TMBIM4: variants seen among roughly 807,000 people sequenced by gnomAD.
TMBIM4 encodes the protein protein lifeguard 4.
In TMBIM4, 28 loss-of-function variants were observed where a neutral mutation model predicts 27.7. The ratio of observed to expected loss-of-function variants is 1.01; its 90% CI spans 0.75 to 1.38. The LOEUF is 1.38. TMBIM4 is among the 40% of genes most tolerant of loss of function. The pLI is 0.00. For synonymous variants in TMBIM4, 115 were observed against 113.1 expected (o/e 1.02, Z -0.11); for missense variants, 265 against 277.5 (o/e 0.95, Z 0.32).
At chr12:66,143,835 A>G (rs1206727179) in intron 5 of TMBIM4, among the ~76,000 whole-genome samples, 1 of 152,166 alleles carries the variant, frequency 6.6e-6, no homozygotes, top group Non-Finnish European at 1.5e-5. Context: ...TTTGGCACTC[A>G]GCTTCCACAA....
chr12:66,147,866 T>TA, intron 4 of TMBIM4, 42 bp downstream of exon 4: 1 of 1,563,290 alleles, frequency 6.4e-7, no homozygotes. Context: ...CTATCTACAT[T>TA]AAAAAGTTAT....
chr12:66,160,444 T>A, intron 1 of TMBIM4: 2 of 548,370 alleles, frequency 3.6e-6, no homozygotes, highest in Non-Finnish European at 6.5e-6. Context: ...TTTGAAGGAA[T>A]AAAAAAAAGG....
chr12:66,168,667 C>T (rs2052177053), intron 1 of TMBIM4: 1 of 152,268 alleles, frequency 6.6e-6, no homozygotes, highest in Admixed American at 6.5e-5. Flanking sequence ...CTGTACCTCA[C>T]TTCTATTTTC....
intron 5 of TMBIM4, among the ~76,000 whole-genome samples, chr12:66,143,605 G>A (rs1270425984): frequency 1.3e-5 from 2 of 152,098 alleles, no homozygotes; most frequent in African/African-American, 4.8e-5. Context: ...AATTCCTTTT[G>A]TGGCAGAATT....
At chr12:66,169,167 GC>G in intron 1 of TMBIM4, 1 of 654,034 alleles carries the variant, frequency 1.5e-6, no homozygotes, top group Non-Finnish European at 2.7e-6. Flanking sequence ...GGCTGTTTCG[GC>G]GATCAAATGA....
At position 66,164,512 on chromosome 12, in the gene TMBIM4, T is replaced by C. The variant is rs548667706; in HGVS notation, c.97+5343A>G. 1.4e-4 allele frequency among the ~76,000 whole-genome samples: 22 copies of C among 152,278 alleles called. No homozygotes were observed. In the Middle Eastern group the frequency reaches 0.014, roughly 94 times the overall value. ...TCTTATACAAGGAACCACAGATAAA[T>C]TGGAAATCTTAGAGGGTTTCCTGGA... On this transcript the variant is annotated intron_variant, in intron 1 of 6. Transcript: ENST00000358230.
In TMBIM4 at chr12:66,152,349, G is replaced by A. The variant is rs201499761; in HGVS notation, c.234C>T (p.Leu78=). ...ACGCAAAAATCAAACCCAGAGATCC[G>A]AGGGCAAACAGCAAAATTAAGGCAG... ...ESPALILLFA[L]GSLGLIFALI... The change falls in exon 3 of 7, where the codon CTC becomes CTT. Residue 78 remains leucine (L), a synonymous_variant. Coordinates refer to ENST00000358230, the MANE Select transcript of TMBIM4 (RefSeq NM_016056.4). 72 of 1,608,636 alleles carry A rather than the reference G, an allele frequency of 4.5e-5. No individual in the cohort carries two copies. Among genetic ancestry groups the A allele is most frequent in the South Asian group, 1.4e-4 (13 of 90,458 alleles).
At chr12:66,153,767 C>T (rs2051889972) in intron 1 of TMBIM4, among the ~76,000 whole-genome samples, 2 of 151,972 alleles carry the variant, frequency 1.3e-5, no homozygotes, top group South Asian at 4.1e-4. Context: ...TAGCAAAAGA[C>T]TAAAAGCAGA....
intron 1 of TMBIM4, among the ~76,000 whole-genome samples, chr12:66,163,310 T>A (rs1205872697): frequency 6.6e-6 from 1 of 152,154 alleles, no homozygotes; most frequent in Non-Finnish European, 1.5e-5. Flanking sequence ...CTCTAATATA[T>A]CACATCGTCA....
chr12:66,167,970 A>G (rs2052159361), intron 1 of TMBIM4, among the ~76,000 whole-genome samples: 1 of 152,204 alleles, frequency 6.6e-6, no homozygotes, highest in Admixed American at 6.5e-5. Context: ...CTGTAATCCC[A>G]GGACTTTGGG....
intron 1 of TMBIM4, among the ~76,000 whole-genome samples, chr12:66,154,447 T>A (rs2051900117): frequency 6.6e-6 from 1 of 152,226 alleles, no homozygotes; most frequent in African/African-American, 2.4e-5. Context: ...AGTCGTTAAA[T>A]TTTATTTGCT....
chr12:66,158,088 T>A (rs1025405717), intron 1 of TMBIM4, among the ~76,000 whole-genome samples: 1 of 151,284 alleles, frequency 6.6e-6, no homozygotes, highest in Non-Finnish European at 1.5e-5. Flanking sequence ...TAGCTGGGCG[T>A]GGTGGCGGGC....
intron 1 of TMBIM4, chr12:66,169,588 T>TGGG (rs1182614910): frequency 2.0e-5 from 9 of 450,390 alleles, no homozygotes; most frequent in Non-Finnish European, 2.7e-5. Flanking sequence ...CGGCGCCCGC[T>TGGG]GGGGAGCCGG....
chr12:66,161,888 G>GACCCTTAA (rs1227022259), intron 1 of TMBIM4, among the ~76,000 whole-genome samples: 1 of 152,118 alleles, frequency 6.6e-6, no homozygotes, highest in Non-Finnish European at 1.5e-5. Context: ...ATAATTGCTT[G>GACCCTTAA]ACCCTTAAAA....
intron 2 of TMBIM4, 112 bp from the exon 3 acceptor site, chr12:66,152,488 A>G (rs1297022901): frequency 1.6e-6 from 1 of 631,474 alleles, no homozygotes; most frequent in Non-Finnish European, 2.5e-6. Context: ...ACAGGGGAAA[A>G]AATCTGGAAT....
chr12:66,146,022 G>C (rs1279937741), intron 4 of TMBIM4, 64 bp from the exon 5 acceptor site: 1 of 805,370 alleles, frequency 1.2e-6, no homozygotes, highest in African/African-American at 1.7e-5. Flanking sequence ...AGCTTTTTCT[G>C]GCATTTTATA....
At position 66,153,437 on chromosome 12, in the gene TMBIM4, T is replaced by C. The variant is rs1265116322; in HGVS notation, c.109A>G (p.Lys37Glu). The C allele has an allele frequency of 6.3e-7, 1 of 1,578,806 alleles. No individual in the cohort carries two copies. Among genetic ancestry groups the C allele is most frequent in the African/African-American group, 1.4e-5 (1 of 73,016 alleles). Residue 37 changes from lysine to glutamate, a missense_variant, in exon 2 of 7, where the codon AAA (lysine) becomes GAA (glutamate). By Grantham distance (56) the Lys-to-Glu change is moderately conservative. Coordinates refer to ENST00000358230, the MANE Select transcript of TMBIM4 (RefSeq NM_016056.4). ...TVHIRMAFLR[K>E]VYSILSLQVL... ...TGCAGAGAAAGAATGCTGTAGACTTTTCTCAGAAAGGCTAAAAGAGAAAAA... is the reference window on the plus strand; with the variant it reads ...TGCAGAGAAAGAATGCTGTAGACTTCTCTCAGAAAGGCTAAAAGAGAAAAA...
intron 5 of TMBIM4, among the ~76,000 whole-genome samples, chr12:66,145,144 C>G (rs1448136400): frequency 2.6e-5 from 4 of 151,936 alleles, no homozygotes; most frequent in Non-Finnish European, 5.9e-5. Context: ...GTTGGCTGAC[C>G]AACTATATTT....
chr12:66,160,274 T>C, intron 1 of TMBIM4: 1 of 702,904 alleles, frequency 1.4e-6, no homozygotes, highest in Non-Finnish European at 2.6e-6. Context: ...TCCTCATATA[T>C]TGTTTGCTGA....
Sources: gnomAD v4.1 joint callset for allele counts (sites outside exome capture counted in the v4.1 genomes callset) on GRCh38, gnomAD v4.1.1 for gene constraint, MANE v1.5 for transcripts, NCBI Gene and HGNC (gene_info 2026-07-23, HGNC 2026-07-21) for gene names.